Variants in CD177 observed in about 807,000 individuals in gnomAD.
CD177 encodes the protein CD177 antigen.
A neutral mutation model predicts 38.1 loss-of-function variants in CD177; 41 were observed. The observed-to-expected ratio is 1.07, with a 90% confidence interval of 0.84 to 1.39. The LOEUF (loss-of-function observed/expected upper bound fraction) is 1.39. Ranked by LOEUF, CD177 falls within the 40% of genes most tolerant of loss-of-function variation. CD177 has a pLI of 0.00. For synonymous variants in CD177, 236 were observed against 216.7 expected (o/e 1.09, Z -0.78); for missense variants, 619 against 523.8 (o/e 1.18, Z -1.77).
In CD177 at chr19:43,356,020, G is replaced by A. The variant is rs1331319618; in HGVS notation, c.531G>A (p.Gln177=). ...GGGIFSNLRV[Q]GCMPQPVCNL... is the part of the protein sequence containing the mutation. ...GCATCTTCTCCAATCTGAGAGTCCAGGGATGCATGCCCCAGCCAGTTTGCA... is the reference window on the plus strand; with the variant it reads ...GCATCTTCTCCAATCTGAGAGTCCAAGGATGCATGCCCCAGCCAGTTTGCA... Residue 177 remains glutamine (Q), a synonymous_variant, in exon 5 of 9, where the codon CAG becomes CAA. Transcript: ENST00000618265. 2 of 680,086 alleles carry A rather than the reference G, an allele frequency of 2.9e-6. No homozygotes were observed. The highest frequency in any genetic ancestry group is 4.5e-5 in the Admixed American group (2 of 43,986). 42.1% of individuals were successfully genotyped at this position (680,086 alleles called of 1,614,324 possible).
downstream of CD177, among the ~76,000 whole-genome samples, chr19:43,364,139 CCTCT>C (rs1362154933): frequency 6.6e-6 from 1 of 152,164 alleles, no homozygotes; most frequent in African/African-American, 2.4e-5. Context: ...CCAGTCCTTC[CCTCT>C]GTCACAGTAA....
intron 2 of CD177, 56 bp downstream of exon 2, chr19:43,354,049 C>T (rs1969882706): frequency 6.3e-7 from 1 of 1,587,468 alleles, no homozygotes; most frequent in Non-Finnish European, 8.6e-7. Flanking sequence ...CCCTTGATCC[C>T]TGTGCAGGGA....
chr19:43,363,942 A>T (rs946978167), downstream of CD177, among the ~76,000 whole-genome samples: 18 of 152,016 alleles, frequency 1.2e-4, no homozygotes, highest in Non-Finnish European at 1.0e-4. Flanking sequence ...TACAAAAAAT[A>T]AGCCGGGTGT....
Position 43,360,362 on chromosome 19 carries a change from G to C in CD177, c.717G>C (p.Glu239Asp). The C allele has an allele frequency of 1.9e-6, 3 of 1,609,646 alleles. No individual in the cohort carries two copies. Among genetic ancestry groups the C allele is most frequent in the Non-Finnish European group, 2.5e-6 (3 of 1,178,084 alleles). ...DWTTSNTEMC[E>D]VGQVCQETLL... is the part of the protein sequence containing the mutation. ...CCACATCGAATACCGAGATGTGCGA[G>C]GTGGGGCAGGTGTGTCAGGAGACGC... The change falls in exon 6 of 9, where the codon GAG (glutamate) becomes GAC (aspartate). Residue 239 changes from glutamate (E) to aspartate (D), a missense_variant. Physicochemically the swap from Glu to Asp is conservative, Grantham distance 45. Transcript: ENST00000618265.
chr19:43,360,308 A>C lies in CD177; in HGVS notation c.663A>C (p.Gly221=), dbSNP rs1969943509. The stretch of plus-strand genomic sequence containing the variant: ...GGGGGACCACCATTATGACACACGG[A>C]AACTTGGCTCAAGAACCCACTGATT... The part of the protein sequence containing the change: ...CHRGTTIMTH[G]NLAQEPTDWT... Residue 221 remains glycine, a synonymous_variant, in exon 6 of 9, where the codon GGA becomes GGC. Coordinates refer to ENST00000618265, the MANE Select transcript of CD177 (RefSeq NM_020406.4). The C allele has an allele frequency of 6.2e-7, 1 of 1,613,298 alleles. No individual in the cohort carries two copies. The highest frequency in any genetic ancestry group is 8.5e-7 in the Non-Finnish European group (1 of 1,179,658).
downstream of CD177, chr19:43,363,190 A>G (rs894506351): frequency 1.2e-4 from 19 of 152,332 alleles, no homozygotes; most frequent in African/African-American, 4.6e-4. Flanking sequence ...TCTATACGCA[A>G]TTCGTCGCTG....
At position 43,362,192 on chromosome 19, in the gene CD177, C is replaced by G. The variant is rs369897962; in HGVS notation, c.1186C>G (p.Arg396Gly). The change falls in exon 9 of 9, where the codon CGT becomes GGT. Residue 396 changes from arginine to glycine, a missense_variant. Arg to Gly is a moderately radical substitution (Grantham distance 125). Coordinates refer to ENST00000618265, the MANE Select transcript of CD177 (RefSeq NM_020406.4). ...QIGIFSAREK[R>G]DVQPPASQHE... is the part of the protein sequence containing the mutation. ...CGGGATCTTCTCTGCGCGTGAGAAG[C>G]GTGATGTGCAGCCTCCTGCCTCTCA... 3 of 1,612,888 alleles carry G rather than the reference C, an allele frequency of 1.9e-6. No individual in the cohort carries two copies. Among genetic ancestry groups the G allele is most frequent in the Admixed American group, 1.7e-5 (1 of 59,966 alleles).
At chr19:43,362,045 G>A (rs1450962182) in intron 8 of CD177, 43 bp from the exon 9 acceptor site, 2 of 1,563,436 alleles carry the variant, frequency 1.3e-6, no homozygotes, top group Admixed American at 1.7e-5. Context: ...AACTTGGCTG[G>A]GCTGTACTCT....
chr19:43,362,389 C>A lies in CD177; in HGVS notation c.*69C>A. 2 of 677,256 alleles carry A rather than the reference C, an allele frequency of 3.0e-6. No individual in the cohort carries two copies. The allele number at this position is 677,256 out of a possible 1,614,324, so 42.0% of individuals were successfully genotyped here. A position where few individuals can be genotyped will look rare whatever the true frequency, so the allele number is the denominator to read the frequency against. On this transcript the variant is annotated 3_prime_UTR_variant, in exon 9 of 9. Transcript: ENST00000618265. ...CTCAACCTCCCTCTGACCTCATAAC[C>A]TAATGGCCTTGGACACCAGATTCTT...
At chr19:43,360,479 T>C (rs1294784799) in intron 6 of CD177, 74 bp downstream of exon 6, 3 of 1,433,832 alleles carry the variant, frequency 2.1e-6, no homozygotes, top group African/African-American at 2.9e-5. Flanking sequence ...CTGGATTCTT[T>C]CCCCTGAATT....
downstream of CD177, among the ~76,000 whole-genome samples, chr19:43,364,294 G>A (rs955390341): frequency 6.6e-6 from 1 of 152,204 alleles, no homozygotes; most frequent in Non-Finnish European, 1.5e-5. Context: ...GGTGCTTAGA[G>A]CTGCTTTCTT....
intron 5 of CD177, 53 bp from the exon 6 acceptor site, chr19:43,360,212 G>A (rs1969940577): frequency 6.3e-7 from 1 of 1,594,604 alleles, no homozygotes; most frequent in South Asian, 1.1e-5. Flanking sequence ...GACGTGGAGG[G>A]ACAGACATGG....
chr19:43,361,706 T>C (rs1457047089), intron 8 of CD177, 127 bp downstream of exon 8: 1 of 921,858 alleles, frequency 1.1e-6, no homozygotes, highest in Non-Finnish European at 1.6e-6. Context: ...CCTGGACTCC[T>C]GGTCCGAGGG....
intron 3 of CD177, 97 bp from the exon 4 acceptor site, chr19:43,355,564 T>G (rs754452499): frequency 6.8e-7 from 1 of 1,474,588 alleles, no homozygotes; most frequent in South Asian, 1.1e-5. Context: ...CTGAGCAGGT[T>G]GACTCTTGAG....
At position 43,354,002 on chromosome 19, in the gene CD177, G is replaced by A. The variant is rs756155144; in HGVS notation, c.193+9G>A. On this transcript the variant is annotated intron_variant, in intron 2 of 8. Coordinates refer to ENST00000618265, the MANE Select transcript of CD177 (RefSeq NM_020406.4). ...GATGCTCATTGAGAGCGGTGAGAAG[G>A]CCCTGGCGTGCAGAGACCCCGCCCT... 1.2e-5 allele frequency: 20 copies of A among 1,612,448 alleles called. No individual in the cohort carries two copies. The highest frequency in any genetic ancestry group is 1.7e-5 in the Admixed American group (1 of 59,936).
In CD177 at chr19:43,360,254, C is replaced by A. The variant is rs1420520424; in HGVS notation, c.620-11C>A. 2 of 1,612,262 alleles carry A rather than the reference C, an allele frequency of 1.2e-6. No homozygotes were observed. The highest frequency in any genetic ancestry group is 2.2e-5 in the East Asian group (1 of 44,832). On this transcript the variant is annotated splice_polypyrimidine_tract_variant and intron_variant, in intron 5 of 8. Transcript: ENST00000618265. ...CCTGGCTTACACACACCCTGGGATTCCTCTCCCCAGATTTTCTGACCTGTC... is the reference window on the plus strand; with the variant it reads ...CCTGGCTTACACACACCCTGGGATTACTCTCCCCAGATTTTCTGACCTGTC...
downstream of CD177, among the ~76,000 whole-genome samples, chr19:43,364,605 G>A (rs1970014338): frequency 7.5e-6 from 1 of 134,104 alleles, no homozygotes; most frequent in Non-Finnish European, 1.6e-5. Flanking sequence ...CAGCACAAGG[G>A]GCACAGGATG....
intron 3 of CD177, 96 bp downstream of exon 3, chr19:43,354,488 CGCTATCCCGACCCTCGCTG>C (rs1370317442): frequency 3.3e-5 from 43 of 1,321,852 alleles, no homozygotes; most frequent in Non-Finnish European, 4.3e-5. Flanking sequence ...CACCCTCGCT[CGCTATCCCGACCCTCGCTG>C]GCTCCATCCC....
chr19:43,353,769 G>T lies in CD177; in HGVS notation c.52+3G>T. 6.2e-7 allele frequency: 1 copy of T among 1,613,956 alleles called. No individual in the cohort carries two copies. Among genetic ancestry groups the T allele is most frequent in the Non-Finnish European group, 8.5e-7 (1 of 1,179,870 alleles). ...GGGGTTCATCCTCCCACTGCCAGGT[G>T]AGTGATGAGCCCAGCCTGGAGGAGA... On this transcript the variant is annotated splice_donor_region_variant and intron_variant, in intron 1 of 8. Coordinates refer to ENST00000618265, the MANE Select transcript of CD177 (RefSeq NM_020406.4).
Sources: gnomAD v4.1 joint callset for allele counts (sites outside exome capture counted in the v4.1 genomes callset) on GRCh38, gnomAD v4.1.1 for gene constraint, MANE v1.5 for transcripts, NCBI Gene and HGNC (gene_info 2026-07-23, HGNC 2026-07-21) for gene names.